TMC1: variants seen among roughly 807,000 people sequenced by gnomAD.
The protein encoded by TMC1 is transmembrane channel-like protein 1.
TMC1 carries 84 observed loss-of-function variants against 105.8 expected under a neutral mutation model. The observed-to-expected ratio is 0.79, with a 90% CI of 0.67 to 0.95. TMC1 has a LOEUF of 0.95. Among genes scored for constraint, TMC1 ranks in the 40% least tolerant of loss-of-function variants. The probability of loss-of-function intolerance (pLI) is 0.00; values close to 1 mark genes in which losing one functional copy is unlikely to be tolerated. For missense variants in TMC1, 817 were observed against 914.1 expected (o/e 0.89, Z 1.37); for synonymous variants, 315 against 311.5 (o/e 1.01, Z -0.12).
At chr9:72,545,843 C>A (rs151338749) in intron 1 of TMC1, among the ~76,000 whole-genome samples, 2 of 151,984 alleles carry the variant, frequency 1.3e-5, no homozygotes, top group African/African-American at 2.4e-5. Context: ...AATCCTATTG[C>A]GCAGTAATTT....
chr9:72,682,901 C>T (rs1247993011), intron 5 of TMC1, among the ~76,000 whole-genome samples: 1 of 152,144 alleles, frequency 6.6e-6, no homozygotes. Context: ...ACAATCATGG[C>T]AGAAGGCAAA....
At chr9:72,540,651 T>C (rs934437698) in intron 1 of TMC1, among the ~76,000 whole-genome samples, 1 of 152,210 alleles carries the variant, frequency 6.6e-6, no homozygotes, top group South Asian at 2.1e-4. Flanking sequence ...CATTTATTTT[T>C]GTCCCTAGTC....
intron 2 of TMC1, among the ~76,000 whole-genome samples, chr9:72,588,406 G>T (rs1300538800): frequency 1.3e-5 from 2 of 152,180 alleles, no homozygotes; most frequent in African/African-American, 2.4e-5. Context: ...AAGGCTGGGG[G>T]CTATAATCAT....
intron 18 of TMC1, among the ~76,000 whole-genome samples, chr9:72,806,829 A>G (rs1357334575): frequency 2.1e-5 from 3 of 141,012 alleles, no homozygotes; most frequent in Non-Finnish European, 4.6e-5. Context: ...ATGGGCGGCC[A>G]GGCAGAGACG....
chr9:72,536,340 T>A (rs1014557817), intron 1 of TMC1, among the ~76,000 whole-genome samples: 5 of 152,158 alleles, frequency 3.3e-5, no homozygotes, highest in African/African-American at 1.2e-4. Flanking sequence ...GCGGCAGACA[T>A]TCTTTTTTTT....
chr9:72,749,095 G>T (rs1284182570), intron 10 of TMC1, among the ~76,000 whole-genome samples: 1 of 152,146 alleles, frequency 6.6e-6, no homozygotes, highest in South Asian at 2.1e-4. Context: ...TGGAGGAGGG[G>T]ATACTTTCTG....
chr9:72,832,021 T>G (rs1036182527), intron 23 of TMC1, among the ~76,000 whole-genome samples: 2 of 151,998 alleles, frequency 1.3e-5, no homozygotes, highest in South Asian at 2.1e-4. Context: ...AGTGGTATGA[T>G]CTCGGCTCAC....
chr9:72,746,736 G>A (rs1187356443), intron 10 of TMC1, among the ~76,000 whole-genome samples: 3 of 152,072 alleles, frequency 2.0e-5, no homozygotes, highest in African/African-American at 4.8e-5. Flanking sequence ...AGTGTGAAGC[G>A]GATTCTCACC....
At chr9:72,767,052 G>A (rs768040476) in intron 12 of TMC1, among the ~76,000 whole-genome samples, 6 of 152,070 alleles carry the variant, frequency 3.9e-5, no homozygotes, top group South Asian at 4.2e-4. Flanking sequence ...CCTGTGTTGC[G>A]TCCTACTCCA....
intron 1 of TMC1, among the ~76,000 whole-genome samples, chr9:72,559,152 T>A (rs1824000787): frequency 6.6e-6 from 1 of 151,532 alleles, no homozygotes; most frequent in African/African-American, 2.4e-5. Context: ...TGGAGTGCAA[T>A]GGCGCAATCT....
intron 1 of TMC1, among the ~76,000 whole-genome samples, chr9:72,530,568 G>T (rs1413545324): frequency 6.8e-6 from 1 of 146,020 alleles, no homozygotes; most frequent in African/African-American, 2.6e-5. Flanking sequence ...CCAGCCTGGT[G>T]ACAGAGCAAG....
chr9:72,757,639 TA>T (rs1827694089), intron 12 of TMC1, among the ~76,000 whole-genome samples: 1 of 152,244 alleles, frequency 6.6e-6, no homozygotes, highest in Non-Finnish European at 1.5e-5. Context: ...TCCAATATTT[TA>T]AGTAGCCTTG....
chr9:72,720,888 A>G (rs754657084), intron 8 of TMC1, among the ~76,000 whole-genome samples: 17 of 152,200 alleles, frequency 1.1e-4, no homozygotes, highest in Non-Finnish European at 1.9e-4. Flanking sequence ...TTTACCTGCT[A>G]TCTGTAGTGA....
At chr9:72,772,582 C>A in intron 13 of TMC1, 27 bp downstream of exon 13, 1 of 1,613,244 alleles carries the variant, frequency 6.2e-7, no homozygotes, top group Non-Finnish European at 8.5e-7. Context: ...TTTTGGGAAG[C>A]AAATAATGAT....
intron 1 of TMC1, among the ~76,000 whole-genome samples, chr9:72,535,137 G>A (rs1587942715): frequency 6.6e-6 from 1 of 152,052 alleles, no homozygotes; most frequent in Admixed American, 6.6e-5. Context: ...CATGGATGAA[G>A]GCATGTTTTC....
At chr9:72,546,454 G>A (rs1237418984) in intron 1 of TMC1, among the ~76,000 whole-genome samples, 4 of 152,170 alleles carry the variant, frequency 2.6e-5, no homozygotes, top group Non-Finnish European at 5.9e-5. Flanking sequence ...GTGATTGAGG[G>A]ATTCAAACAT....
At chr9:72,730,314 G>C (rs1827190173) in intron 8 of TMC1, among the ~76,000 whole-genome samples, 1 of 152,152 alleles carries the variant, frequency 6.6e-6, no homozygotes. Context: ...CTGGTTTTGG[G>C]GAAGAACAAG....
intron 2 of TMC1, among the ~76,000 whole-genome samples, chr9:72,579,985 C>G (rs1270898518): frequency 1.3e-5 from 2 of 152,180 alleles, no homozygotes; most frequent in Non-Finnish European, 2.9e-5. Flanking sequence ...CCTTGGTCAT[C>G]TTCCCAAAGG....
At chr9:72,685,745 C>A (rs1020340391) in intron 5 of TMC1, among the ~76,000 whole-genome samples, 6 of 152,122 alleles carry the variant, frequency 3.9e-5, no homozygotes, top group African/African-American at 1.4e-4. Flanking sequence ...AACCCTTATC[C>A]AAGAGCATTT....
Sources: gnomAD v4.1 joint callset for allele counts (sites outside exome capture counted in the v4.1 genomes callset) on GRCh38, gnomAD v4.1.1 for gene constraint, MANE v1.5 for transcripts, NCBI Gene and HGNC (gene_info 2026-07-23, HGNC 2026-07-21) for gene names.